CROCC2: variants seen among roughly 807,000 people sequenced by gnomAD.
CROCC2 encodes ciliary rootlet coiled-coil, rootletin family member 2.
In CROCC2, 163 loss-of-function variants were observed where a neutral mutation model predicts 177.6. The observed-to-expected ratio is 0.92, with a 90% confidence interval of 0.81 to 1.05. The LOEUF (loss-of-function observed/expected upper bound fraction) is 1.05, where lower values mean the gene tolerates loss of function less well. Ranked by LOEUF, CROCC2 falls within the 50% of genes least tolerant of loss-of-function variation. CROCC2 has a pLI of 0.00. For synonymous variants in CROCC2, 904 were observed against 787.3 expected (o/e 1.15, Z -2.48); for missense variants, 1,929 against 1,797.8 (o/e 1.07, Z -1.32).
intron 3 of CROCC2, among the ~76,000 whole-genome samples, chr2:240,920,576 G>T (rs542679163): frequency 2.6e-5 from 4 of 152,228 alleles, no homozygotes; most frequent in Admixed American, 6.5e-5. Flanking sequence ...GATGGAGCTC[G>T]CAGAGAAATG....
chr2:240,952,780 G>A (rs905614276), intron 18 of CROCC2, among the ~76,000 whole-genome samples: 4 of 152,218 alleles, frequency 2.6e-5, no homozygotes, highest in Admixed American at 1.3e-4. Context: ...TTGAGCAGGC[G>A]TGATATGATA....
intron 4 of CROCC2, among the ~76,000 whole-genome samples, chr2:240,923,444 C>A (rs1182873851): frequency 6.9e-6 from 1 of 144,746 alleles, no homozygotes; most frequent in African/African-American, 2.5e-5. Context: ...CCTGCCTGTA[C>A]TAACCCGGCC....
rs554043311 is a variant in CROCC2 at position 240,922,530 on chromosome 2, C to T, written c.382-9C>T. 7.2e-6 allele frequency: 5 copies of T among 694,506 alleles called. No homozygotes were observed. The highest frequency in any genetic ancestry group is 2.0e-5 in the Admixed American group (1 of 48,962). 43.0% of individuals were successfully genotyped at this position (694,506 alleles called of 1,614,324 possible). A position where few individuals can be genotyped will look rare whatever the true frequency, so the allele number is the denominator to read the frequency against. Reference sequence around the variant, plus strand: ...CAGCCAGACCAGGTGGGCTATTGCTCCTCCCCAGCTGCAGGCCCGGCTGGA... The same window carrying T: ...CAGCCAGACCAGGTGGGCTATTGCTTCTCCCCAGCTGCAGGCCCGGCTGGA... On this transcript the variant is annotated splice_polypyrimidine_tract_variant and intron_variant, in intron 3 of 31. Transcript: ENST00000690015.
At chr2:240,985,825 C>CAT (rs1310832911) in intron 28 of CROCC2, 1 of 402,222 alleles carries the variant, frequency 2.5e-6, no homozygotes, top group African/African-American at 2.0e-5. Context: ...ACTCACTCCA[C>CAT]ACACACCCAG....
chr2:240,925,304 C>T (rs1050603261), intron 4 of CROCC2, among the ~76,000 whole-genome samples: 3 of 152,150 alleles, frequency 2.0e-5, no homozygotes, highest in Non-Finnish European at 2.9e-5. Flanking sequence ...GGGGAAGTCC[C>T]CAGGGTGCAG....
chr2:240,964,696 G>C, intron 22 of CROCC2, 71 bp downstream of exon 22: 1 of 1,484,366 alleles, frequency 6.7e-7, no homozygotes, highest in Non-Finnish European at 9.0e-7. Context: ...CTCCTCCCAG[G>C]GGAGCCCCCA....
Position 240,918,599 on chromosome 2 carries a change from G to A in CROCC2, c.79-127G>A. ...TGAGTGACCTGCCCAGCCTCACCCTGTCCTCTCCAGGGCACTCTGCTGCCT... is the reference window on the plus strand; with the variant it reads ...TGAGTGACCTGCCCAGCCTCACCCTATCCTCTCCAGGGCACTCTGCTGCCT... On this transcript the variant is annotated intron_variant, in intron 1 of 31. Transcript: ENST00000690015. This position sits in a 1 kb window ranked among gnomAD's most constrained non-coding sequence, Gnocchi z 6.3. 2.2e-6 allele frequency: 1 copy of A among 456,668 alleles called. No homozygotes were observed. The highest frequency in any genetic ancestry group is 3.8e-6 in the Non-Finnish European group (1 of 260,072). The allele number at this position is 456,668 out of a possible 1,614,324, so 28.3% of individuals were successfully genotyped here.
chr2:240,960,331 G>T lies in CROCC2; in HGVS notation c.3087+887G>T, dbSNP rs954691565. On this transcript the variant is annotated intron_variant, in intron 20 of 31. Coordinates refer to ENST00000690015, the MANE Select transcript of CROCC2 (RefSeq NM_001351305.2). This position sits in a 1 kb window ranked among gnomAD's most constrained non-coding sequence, Gnocchi z 5.0. ...TGGGTTAGTGGAGATTTCGGGGTGT[G>T]CCTGGGCCTGGCCAAGGGCCCGAGG... 3.3e-5 allele frequency among the ~76,000 whole-genome samples: 5 copies of T among 152,066 alleles called. No individual in the cohort carries two copies. The highest frequency in any genetic ancestry group is 5.9e-5 in the Non-Finnish European group (4 of 68,000).
chr2:240,969,587 G>T (rs752721103), intron 27 of CROCC2, among the ~76,000 whole-genome samples: 1 of 152,240 alleles, frequency 6.6e-6, no homozygotes, highest in African/African-American at 2.4e-5. Context: ...CCAGGAGATG[G>T]GGGCACCTGA....
chr2:240,990,318 C>T (rs753062866), intron 30 of CROCC2, among the ~76,000 whole-genome samples: 4 of 152,142 alleles, frequency 2.6e-5, no homozygotes, highest in African/African-American at 7.2e-5. Flanking sequence ...AAGCCTTGGG[C>T]GTGTGTGTGC....
chr2:240,937,899 G>A (rs2059479392), intron 14 of CROCC2, among the ~76,000 whole-genome samples: 1 of 152,234 alleles, frequency 6.6e-6, no homozygotes, highest in South Asian at 2.1e-4. Flanking sequence ...AAAGTGTGTG[G>A]CACTTCTCCC....
Position 240,909,339 on chromosome 2 carries a change from A to C in CROCC2, c.78+2748A>C, listed in dbSNP as rs868020365. ...ACCTGGGGTGAGCTCTACCTCCTCCACCTGGGGTGAGCTCTACCTCCTCCA... is the reference window on the plus strand; with the variant it reads ...ACCTGGGGTGAGCTCTACCTCCTCCCCCTGGGGTGAGCTCTACCTCCTCCA... On this transcript the variant is annotated intron_variant, in intron 1 of 31. Transcript: ENST00000690015. 1.4e-4 allele frequency among the ~76,000 whole-genome samples: 21 copies of C among 150,454 alleles called. No individual in the cohort carries two copies. In the South Asian group the frequency reaches 1.7e-3, roughly 12 times the overall value.
At chr2:240,932,285 C>T in intron 7 of CROCC2, 33 bp from the exon 8 acceptor site, 1 of 698,778 alleles carries the variant, frequency 1.4e-6, no homozygotes, top group East Asian at 2.7e-5. Flanking sequence ...CTGGGCCCTG[C>T]CCTTCACCCC....
chr2:240,931,926 T>C (rs143867599), intron 7 of CROCC2, among the ~76,000 whole-genome samples: 2 of 152,220 alleles, frequency 1.3e-5, no homozygotes, highest in South Asian at 4.1e-4. Context: ...AGAAGGTGCA[T>C]CCTGGGAAGG....
chr2:240,918,855 C>A lies in CROCC2; in HGVS notation c.208C>A (p.Leu70Met), dbSNP rs1400931937. 1.5e-6 allele frequency: 1 copy of A among 665,370 alleles called. No individual in the cohort carries two copies. The highest frequency in any genetic ancestry group is 1.6e-5 in the South Asian group (1 of 60,670). 41.2% of individuals were successfully genotyped at this position (665,370 alleles called of 1,614,324 possible). A position where few individuals can be genotyped will look rare whatever the true frequency, so the allele number is the denominator to read the frequency against. Residue 70 changes from leucine to methionine, a missense_variant, in exon 2 of 32, where the codon CTG (leucine) becomes ATG (methionine). By Grantham distance (15) the Leu-to-Met change is conservative. Around this residue, in one of 3 missense-constraint regions of CROCC2, gnomAD observed 1,397 missense variants for 1,239.9 expected, o/e 1.13. Transcript: ENST00000690015. This position sits in a 1 kb window ranked among gnomAD's most constrained non-coding sequence, Gnocchi z 6.3. ...TRIREIVAGSLSEEPPQAGVQ... is the reference protein window; with the variant it reads ...TRIREIVAGSMSEEPPQAGVQ... ...CATCCGTGAGATCGTGGCCGGCAGC[C>A]TGAGTGAGGAGCCACCCCAAGGTGA...
chr2:240,919,669 G>A (rs544748583), intron 2 of CROCC2, among the ~76,000 whole-genome samples: 40 of 152,248 alleles, frequency 2.6e-4, no homozygotes, highest in South Asian at 6.2e-4. Context: ...TAGACAGCGC[G>A]AGTGCCCAGC....
At chr2:240,923,200 G>A (rs2059368281) in intron 4 of CROCC2, among the ~76,000 whole-genome samples, 1 of 152,006 alleles carries the variant, frequency 6.6e-6, no homozygotes, top group South Asian at 2.1e-4. Context: ...TGAATAACAG[G>A]GAGGGAGTGG....
At chr2:240,964,250 G>A (rs76679054) in intron 21 of CROCC2, 25,393 of 605,450 alleles carry the variant, frequency 0.042, 1,642 homozygotes, top group East Asian at 0.25. Context: ...GGGCTGAAGA[G>A]GTGGATAGTG....
chr2:240,962,820 C>A (rs1160963756), intron 20 of CROCC2, among the ~76,000 whole-genome samples: 1 of 152,304 alleles, frequency 6.6e-6, no homozygotes, highest in East Asian at 1.9e-4. Flanking sequence ...CAAGTCCCCA[C>A]CCCCAGAGCG....
Sources: gnomAD v4.1 joint callset for allele counts (sites outside exome capture counted in the v4.1 genomes callset) on GRCh38, gnomAD v4.1.1 for gene constraint, gnomAD v4.1.1 regional missense constraint, Gnocchi (gnomAD v3.1) non-coding constraint, MANE v1.5 for transcripts, NCBI Gene and HGNC (gene_info 2026-07-23, HGNC 2026-07-21) for gene names.